The following TENM3 variants were observed in gnomAD, a reference collection of about 807,000 sequenced individuals.
TENM3 encodes the protein teneurin-3.
In TENM3, 63 loss-of-function variants were observed where a neutral mutation model predicts 255.1. That is an observed-to-expected ratio of 0.25 (90% CI 0.20 to 0.30). TENM3 has a LOEUF of 0.30. TENM3 is among the 10% of genes least tolerant of loss of function. The probability of loss-of-function intolerance (pLI) is 1.00; values close to 1 mark genes in which losing one functional copy is unlikely to be tolerated. For synonymous variants in TENM3, 1,306 were observed against 1,322.3 expected (o/e 0.99, Z 0.27); for missense variants, 2,929 against 3,461.1 (o/e 0.85, Z 3.86).
chr4:182,641,080 C>T (rs1195905148), intron 5 of TENM3, among the ~76,000 whole-genome samples: 1 of 152,192 alleles, frequency 6.6e-6, no homozygotes, highest in Non-Finnish European at 1.5e-5. Context: ...AAGGCAGATA[C>T]CCACTTCATC....
At chr4:181,533,435 A>G in the TENM3 span, among the ~76,000 whole-genome samples, 1 of 152,166 alleles carries the variant, frequency 6.6e-6, no homozygotes, top group Admixed American at 6.5e-5. Flanking sequence ...CAGAAGGTCA[A>G]CATTCACCTT....
chr4:182,119,918 T>C, the TENM3 span, among the ~76,000 whole-genome samples: 64,116 of 151,814 alleles, frequency 0.42, 13,724 homozygotes, highest in Admixed American at 0.51. Context: ...CCTAAGCTGG[T>C]CTCAAACTCC....
chr4:182,465,473 A>C (rs1423880910), intron 3 of TENM3, among the ~76,000 whole-genome samples: 2 of 152,182 alleles, frequency 1.3e-5, no homozygotes, highest in East Asian at 3.9e-4. Context: ...TGGCACCTTG[A>C]ACGTGGATTT....
At chr4:182,140,124 A>C (rs531085413), upstream of TENM3, among the ~76,000 whole-genome samples, 1 of 152,352 alleles carries the variant, frequency 6.6e-6, no homozygotes, top group Non-Finnish European at 1.5e-5. Flanking sequence ...ACCCAATAAT[A>C]ACTTTGTCTA....
At chr4:181,719,946 A>T in the TENM3 span, among the ~76,000 whole-genome samples, 1 of 152,188 alleles carries the variant, frequency 6.6e-6, no homozygotes, top group African/African-American at 2.4e-5. Context: ...TTATGTGCCT[A>T]CTGCATGCAT....
chr4:181,691,522 T>C, the TENM3 span, among the ~76,000 whole-genome samples: 1 of 152,100 alleles, frequency 6.6e-6, no homozygotes, highest in Admixed American at 6.6e-5. Context: ...TTAGCATGAA[T>C]TGTGTGTAAC....
At chr4:181,904,054 A>G in the TENM3 span, among the ~76,000 whole-genome samples, 1 of 152,122 alleles carries the variant, frequency 6.6e-6, no homozygotes, top group African/African-American at 2.4e-5. Flanking sequence ...TTGGGCATCT[A>G]AAACTTAAGT....
chr4:182,614,725 T>G (rs1749313500), intron 4 of TENM3, among the ~76,000 whole-genome samples: 1 of 152,162 alleles, frequency 6.6e-6, no homozygotes, highest in African/African-American at 2.4e-5. Context: ...CTGCACACAC[T>G]CTCGAAAGCA....
the TENM3 span, among the ~76,000 whole-genome samples, chr4:181,626,269 A>G: frequency 4.8e-4 from 73 of 152,308 alleles, no homozygotes; most frequent in Non-Finnish European, 8.2e-4. Context: ...AGAAAAGGCC[A>G]GTGTGGCTGG....
chr4:181,780,268 T>C, the TENM3 span, among the ~76,000 whole-genome samples: 2 of 152,170 alleles, frequency 1.3e-5, no homozygotes, highest in Admixed American at 6.5e-5. Context: ...GTAAAAGTGT[T>C]CCTATTTCTC....
chr4:182,754,632 A>C lies in TENM3; in HGVS notation c.4265A>C (p.Asp1422Ala). The change falls in exon 22 of 28, where the codon GAT (aspartate) becomes GCT (alanine). Residue 1422 changes from aspartate to alanine, a missense_variant. By Grantham distance (126) the Asp-to-Ala change is moderately radical. Transcript: ENST00000511685. The surrounding 1 kb of genome is among the most constrained non-coding windows in gnomAD (Gnocchi z 5.1). ...GGGGTCCTGTACATTACTGAAACTGATGAGAAGAAAATTAACCGGATAAGG... is the reference window on the plus strand; with the variant it reads ...GGGGTCCTGTACATTACTGAAACTGCTGAGAAGAAAATTAACCGGATAAGG... Reference protein sequence around the residue: ...YSGVLYITETDEKKINRIRQV... With the variant: ...YSGVLYITETAEKKINRIRQV... 1 of 1,614,012 alleles carries C rather than the reference A, an allele frequency of 6.2e-7. No homozygotes were observed. Among genetic ancestry groups the C allele is most frequent in the Non-Finnish European group, 8.5e-7 (1 of 1,179,886 alleles).
At chr4:181,693,535 C>T in the TENM3 span, among the ~76,000 whole-genome samples, 1 of 152,180 alleles carries the variant, frequency 6.6e-6, no homozygotes, top group Admixed American at 6.5e-5. Flanking sequence ...CTGACTTTGA[C>T]TTTGGAAAAG....
At chr4:182,721,737 A>G (rs538668048) in intron 13 of TENM3, among the ~76,000 whole-genome samples, 25 of 152,328 alleles carry the variant, frequency 1.6e-4, no homozygotes, top group Middle Eastern at 3.4e-3. Flanking sequence ...TTGTAAGTAA[A>G]CAAAAATGTT....
At chr4:181,470,127 A>AAAAAACAAAAAACG in the TENM3 span, among the ~76,000 whole-genome samples, 45 of 138,982 alleles carry the variant, frequency 3.2e-4, no homozygotes, top group African/African-American at 1.2e-3. Flanking sequence ...AAAAAAAAAC[A>AAAAAACAAAAAACG]TTATTCAAAA....
At chr4:182,191,855 A>T (rs558089947) in intron 1 of TENM3, among the ~76,000 whole-genome samples, 1 of 152,308 alleles carries the variant, frequency 6.6e-6, no homozygotes, top group Admixed American at 6.5e-5. Flanking sequence ...ATCACAGATT[A>T]TCGCTGATCT....
the TENM3 span, among the ~76,000 whole-genome samples, chr4:181,762,675 G>A: frequency 1.3e-5 from 2 of 152,114 alleles, no homozygotes; most frequent in African/African-American, 4.8e-5. Flanking sequence ...CATCAAAACT[G>A]GCCAGGACAT....
chr4:182,273,270 T>A (rs1759767485), intron 1 of TENM3, among the ~76,000 whole-genome samples: 1 of 152,240 alleles, frequency 6.6e-6, no homozygotes, highest in Non-Finnish European at 1.5e-5. Context: ...TTAAGACGTT[T>A]GCCTGCGATT....
At chr4:181,883,668 G>C in the TENM3 span, among the ~76,000 whole-genome samples, 1 of 152,046 alleles carries the variant, frequency 6.6e-6, no homozygotes, top group Non-Finnish European at 1.5e-5. Flanking sequence ...TAGAGACGGG[G>C]TTTCATCGTT....
intron 5 of TENM3, among the ~76,000 whole-genome samples, chr4:182,644,848 A>G (rs1581197164): frequency 6.6e-6 from 1 of 152,088 alleles, no homozygotes; most frequent in Non-Finnish European, 1.5e-5. Context: ...AGAGTAGCCT[A>G]TTTGGCTGTT....
Sources: allele counts gnomAD v4.1 joint callset (sites outside exome capture counted in the v4.1 genomes callset), GRCh38; gene constraint gnomAD v4.1.1; non-coding constraint Gnocchi (gnomAD v3.1); transcripts MANE v1.5; gene names NCBI Gene and HGNC (gene_info 2026-07-23, HGNC 2026-07-21).